TMPRSS9: variants seen among roughly 807,000 people sequenced by gnomAD.
TMPRSS9 encodes the protein transmembrane protease serine 9.
TMPRSS9 carries 113 observed loss-of-function variants against 111.4 expected under a neutral mutation model. The observed-to-expected ratio is 1.01, with a 90% CI of 0.87 to 1.19. The LOEUF is 1.19. TMPRSS9 is among the 50% of genes most tolerant of loss of function. The pLI, the probability that TMPRSS9 is intolerant of heterozygous loss-of-function variation, is 0.00. For synonymous variants in TMPRSS9, 805 were observed against 659.1 expected (o/e 1.22, Z -3.39); for missense variants, 1,803 against 1,513.1 (o/e 1.19, Z -3.18).
chr19:2,372,952 C>T lies in TMPRSS9; in HGVS notation c.-26+12592C>T, dbSNP rs542291953. On this transcript the variant is annotated intron_variant, in intron 1 of 17. Coordinates refer to the TMPRSS9 transcript ENST00000649857. ...GGACAAGTGATCTTCCTGCCTCAGC[C>T]TCCAAAGTAGCTGGAACCACAGGCG... Among the ~76,000 whole-genome samples, 12 of 152,262 alleles carry T rather than the reference C, an allele frequency of 7.9e-5. No individual in the cohort carries two copies. The South Asian group carries it at 2.5e-3, about 32-fold the overall frequency.
At chr19:2,417,415 G>T (rs1311568262) in intron 12 of TMPRSS9, among the ~76,000 whole-genome samples, 2 of 150,306 alleles carry the variant, frequency 1.3e-5, no homozygotes. Context: ...GCAGTGAGCT[G>T]AGATTGTGCC....
upstream of TMPRSS9, among the ~76,000 whole-genome samples, chr19:2,388,915 C>T (rs111418996): frequency 0.011 from 1,682 of 152,100 alleles, 18 homozygotes; most frequent in Middle Eastern, 0.048. Flanking sequence ...TGAGCCACCA[C>T]GCCTGGCCGA....
At chr19:2,392,800 G>A (rs1358127508) in intron 1 of TMPRSS9, among the ~76,000 whole-genome samples, 2 of 152,040 alleles carry the variant, frequency 1.3e-5, no homozygotes, top group African/African-American at 2.4e-5. Context: ...AATCTAGTGG[G>A]GACTTGGAGA....
chr19:2,414,132 C>A, intron 10 of TMPRSS9, 114 bp downstream of exon 11: 1 of 1,121,528 alleles, frequency 8.9e-7, no homozygotes, highest in Non-Finnish European at 1.2e-6. Context: ...AAGGAAAGGT[C>A]ACATGTGTAT....
intron 1 of TMPRSS9, chr19:2,396,282 C>A: frequency 2.4e-6 from 1 of 417,222 alleles, no homozygotes; most frequent in Non-Finnish European, 4.3e-6. Context: ...ACTCATCCAC[C>A]TTGTGCTGTA....
chr19:2,361,327 G>A (rs1477601484), intron 1 of TMPRSS9, among the ~76,000 whole-genome samples: 1 of 130,202 alleles, frequency 7.7e-6, no homozygotes, highest in Admixed American at 7.7e-5. Context: ...TTGGTGGGGT[G>A]GGGTGCGGGG....
upstream of TMPRSS9, among the ~76,000 whole-genome samples, chr19:2,388,234 A>G (rs753992345): frequency 6.6e-6 from 1 of 152,030 alleles, no homozygotes; most frequent in African/African-American, 2.4e-5. Flanking sequence ...TCTACAAAAA[A>G]CTTAATTAGC....
At chr19:2,404,658 C>T (rs1398147809) in intron 6 of TMPRSS9, among the ~76,000 whole-genome samples, 2 of 152,104 alleles carry the variant, frequency 1.3e-5, no homozygotes, top group Non-Finnish European at 2.9e-5. Flanking sequence ...AGGCCTGATG[C>T]CGTGGCTCAG....
rs766216684 is a variant in TMPRSS9, at chr19:2,405,332, C to A, written c.671-42C>A. On this transcript the variant is annotated intron_variant, in intron 6 of 17. Transcript: ENST00000648592. ...TGTTCTGGGAGTTCAGGGTGAGGTCCTGCCTTCGTGGGGTCATGGCTGGTG... is the reference window on the plus strand; with the variant it reads ...TGTTCTGGGAGTTCAGGGTGAGGTCATGCCTTCGTGGGGTCATGGCTGGTG... The A allele has an allele frequency of 2.6e-6, 4 of 1,545,528 alleles. No homozygotes were observed. In the South Asian group the frequency reaches 3.6e-5, roughly 14 times the overall value.
intron 14 of TMPRSS9, among the ~76,000 whole-genome samples, 178 bp downstream of exon 15, chr19:2,422,425 C>T (rs1971488242): frequency 6.6e-6 from 1 of 151,552 alleles, no homozygotes; most frequent in Non-Finnish European, 1.5e-5. Context: ...TAAAAAAATA[C>T]AAAAAATTAG....
intron 9 of TMPRSS9, among the ~76,000 whole-genome samples, chr19:2,410,914 G>A (rs757665226): frequency 9.2e-5 from 14 of 152,042 alleles, no homozygotes; most frequent in African/African-American, 2.9e-4. Context: ...GATTCTCTCC[G>A]TCTGTATGGG....
At chr19:2,391,740 C>CT (rs111240493) in intron 1 of TMPRSS9, among the ~76,000 whole-genome samples, 7,234 of 132,832 alleles carry the variant, frequency 0.054, 667 homozygotes, top group African/African-American at 0.18. Flanking sequence ...GAAAGGAAGT[C>CT]TTTTTTTTTT....
exon 8 of TMPRSS9, chr19:2,408,406 G>C: frequency 6.2e-7 from 1 of 1,613,844 alleles, no homozygotes; most frequent in Non-Finnish European, 8.5e-7. Flanking sequence ...ACCTACCTCA[G>C]CGGCTCGGAG....
At chr19:2,407,685 A>G (rs1475916716) in intron 7 of TMPRSS9, among the ~76,000 whole-genome samples, 1 of 128,306 alleles carries the variant, frequency 7.8e-6, no homozygotes, top group African/African-American at 3.1e-5. Context: ...ATAGCTCACT[A>G]TAGCTCATGA....
At chr19:2,403,147 T>C (rs1368034835) in exon 6 of TMPRSS9, 1 of 1,612,168 alleles carries the variant, frequency 6.2e-7, no homozygotes, top group African/African-American at 1.3e-5. Flanking sequence ...GAACCCGGAG[T>C]GTGACGACCA....
chr19:2,385,528 A>G (rs1482429399), upstream of TMPRSS9, among the ~76,000 whole-genome samples: 1 of 152,094 alleles, frequency 6.6e-6, no homozygotes, highest in Non-Finnish European at 1.5e-5. Context: ...GTGATGACTC[A>G]TCAGTGGGAG....
At position 2,370,496 on chromosome 19, in the gene TMPRSS9, T is replaced by C. The variant is rs1415650062; in HGVS notation, c.-26+10136T>C. ...GCAGGCTACACCATGCCTGGCTCAT[T>C]ATTTTTATTTTTTGTGGAGATGGGG... On this transcript the variant is annotated intron_variant, in intron 1 of 17. Transcript: ENST00000649857. 2.6e-5 allele frequency among the ~76,000 whole-genome samples: 4 copies of C among 151,932 alleles called. No individual in the cohort carries two copies. The South Asian group carries it at 8.3e-4, about 31-fold the overall frequency.
intron 1 of TMPRSS9, among the ~76,000 whole-genome samples, chr19:2,391,450 C>G (rs1198336493): frequency 6.7e-6 from 1 of 150,232 alleles, no homozygotes; most frequent in African/African-American, 2.5e-5. Flanking sequence ...CTGAGGCCCT[C>G]TAGTGGCTGT....
chr19:2,395,573 A>G (rs1970688446), intron 1 of TMPRSS9, among the ~76,000 whole-genome samples: 2 of 152,038 alleles, frequency 1.3e-5, no homozygotes, highest in Admixed American at 1.3e-4. Flanking sequence ...CTAGCTGGGT[A>G]TGGTGGTGCA....
Sources: allele counts gnomAD v4.1 joint callset (sites outside exome capture counted in the v4.1 genomes callset), GRCh38; gene constraint gnomAD v4.1.1; transcripts MANE v1.5; gene names NCBI Gene and HGNC (gene_info 2026-07-23, HGNC 2026-07-21).